RGS12: variants seen among roughly 807,000 people sequenced by gnomAD.
RGS12 encodes the protein regulator of G-protein signaling 12.
RGS12 carries 66 observed loss-of-function variants against 120.1 expected under a neutral mutation model. That is an observed-to-expected ratio of 0.55 (90% CI 0.45 to 0.67). RGS12 has a LOEUF of 0.67. Ranked by LOEUF, RGS12 falls within the 30% of genes least tolerant of loss-of-function variation. RGS12 has a pLI of 0.00. For synonymous variants in RGS12, 827 were observed against 804.7 expected, an observed-to-expected ratio of 1.03 and a Z score of -0.47; for missense variants, 1,859 against 1,957.7, an observed-to-expected ratio of 0.95 and a Z score of 0.95.
rs1011435504 is a variant in RGS12, at chr4:3,342,627, T to C, written c.1882-310T>C. On this transcript the variant is annotated intron_variant, in intron 2 of 17. Coordinates refer to ENST00000336727, the MANE Select transcript of RGS12 (RefSeq NM_001394154.1). Reference sequence around the variant, plus strand: ...CCCTTGCACGTGATTTCATTTGATCTGGGTAACAGCCTTGTGGGTGGGCTG... The same window carrying C: ...CCCTTGCACGTGATTTCATTTGATCCGGGTAACAGCCTTGTGGGTGGGCTG... 17 of 1,302,006 alleles carry C rather than the reference T, an allele frequency of 1.3e-5. No homozygotes were observed. In the East Asian group the frequency reaches 5.9e-4, roughly 45 times the overall value. 80.7% of individuals were successfully genotyped at this position (1,302,006 alleles called of 1,614,324 possible).
At chr4:3,387,525 C>T (rs1395263818) in intron 4 of RGS12, among the ~76,000 whole-genome samples, 2 of 152,220 alleles carry the variant, frequency 1.3e-5, no homozygotes, top group Non-Finnish European at 2.9e-5. Context: ...CACGCACTGG[C>T]ACCTGAAGCC....
chr4:3,428,421 C>A, intron 15 of RGS12, 137 bp from the exon 16 acceptor site: 1 of 827,040 alleles, frequency 1.2e-6, no homozygotes, highest in Non-Finnish European at 1.9e-6. Flanking sequence ...CTTATCATTG[C>A]AATGGTTTTT....
chr4:3,328,521 C>T (rs28600049), intron 2 of RGS12, among the ~76,000 whole-genome samples: 45,803 of 152,128 alleles, frequency 0.3, 7,100 homozygotes, highest in African/African-American at 0.39. Context: ...CGTAGGCCCT[C>T]ACCAGGTGCA....
intron 7 of RGS12, 77 bp downstream of exon 7, chr4:3,416,198 T>C (rs554072444): frequency 5.8e-5 from 89 of 1,528,286 alleles, no homozygotes; most frequent in Non-Finnish European, 7.5e-5. Flanking sequence ...AAAGAACACG[T>C]GCTATCAGGC....
intron 17 of RGS12, chr4:3,432,161 T>G: frequency 1.0e-6 from 1 of 985,444 alleles, no homozygotes; most frequent in Non-Finnish European, 1.2e-6. Flanking sequence ...TAATAAATTC[T>G]GGACATCATC....
upstream of RGS12, among the ~76,000 whole-genome samples, chr4:3,289,903 C>T (rs972702743): frequency 8.5e-5 from 13 of 152,142 alleles, no homozygotes; most frequent in South Asian, 2.1e-4. Context: ...TAAGTTAGAC[C>T]GGGCAATATT....
chr4:3,309,465 C>A (rs1278294166), intron 1 of RGS12, among the ~76,000 whole-genome samples: 1 of 133,744 alleles, frequency 7.5e-6, no homozygotes, highest in Non-Finnish European at 1.6e-5. Context: ...TGGCAGGTGT[C>A]CGCTGAGGGG....
chr4:3,288,914 GA>G, upstream of RGS12, among the ~76,000 whole-genome samples: 1 of 152,086 alleles, frequency 6.6e-6, no homozygotes, highest in Middle Eastern at 3.4e-3. This position sits in a 1 kb window ranked among gnomAD's most constrained non-coding sequence, Gnocchi z 5.2. Context: ...CCACCCCTAC[GA>G]GCCCCATTGG....
At chr4:3,430,234 G>T (rs1215523386) in intron 16 of RGS12, among the ~76,000 whole-genome samples, 173 bp from the exon 17 acceptor site, 1 of 152,230 alleles carries the variant, frequency 6.6e-6, no homozygotes, top group African/African-American at 2.4e-5. Context: ...CCCCAGGGCT[G>T]TCCCTTCCGC....
At chr4:3,326,113 G>T (rs187556191) in intron 2 of RGS12, among the ~76,000 whole-genome samples, 1 of 152,272 alleles carries the variant, frequency 6.6e-6, no homozygotes, top group Admixed American at 6.5e-5. Context: ...ACTGGAACAA[G>T]ACAAGAATGC....
In RGS12 at chr4:3,388,082, G is replaced by A. The variant is rs142171902; in HGVS notation, c.2020+1645G>A. Among the ~76,000 whole-genome samples, 536 of 152,180 alleles carry A rather than the reference G, an allele frequency of 3.5e-3. 2 individuals are homozygous for A. Among genetic ancestry groups the A allele is most frequent in the Middle Eastern group, 0.027 (8 of 294 alleles). On this transcript the variant is annotated intron_variant, in intron 4 of 17. Transcript: ENST00000336727. ...CTCTGAGGAAGTGTATCCTGGCCACGCAGAGATCCCCTGGTGCTAGGGCTT... is the reference window on the plus strand; with the variant it reads ...CTCTGAGGAAGTGTATCCTGGCCACACAGAGATCCCCTGGTGCTAGGGCTT...
chr4:3,358,815 G>A (rs1415269427), intron 3 of RGS12, among the ~76,000 whole-genome samples: 1 of 151,508 alleles, frequency 6.6e-6, no homozygotes, highest in African/African-American at 2.4e-5. Flanking sequence ...CTGGCTTGAT[G>A]TCAGGGTAAT....
chr4:3,331,591 G>A (rs981290154), intron 2 of RGS12, among the ~76,000 whole-genome samples: 1 of 151,816 alleles, frequency 6.6e-6, no homozygotes, highest in Non-Finnish European at 1.5e-5. Context: ...AGTACAATGA[G>A]AGGAAGTTTC....
At chr4:3,301,999 T>G (rs1723711749) in intron 1 of RGS12, among the ~76,000 whole-genome samples, 1 of 152,060 alleles carries the variant, frequency 6.6e-6, no homozygotes, top group South Asian at 2.1e-4. Context: ...TGTATTTTTT[T>G]TTTTTTCTAA....
At chr4:3,416,363 C>T (rs1239415931) in intron 7 of RGS12, among the ~76,000 whole-genome samples, 2 of 152,138 alleles carry the variant, frequency 1.3e-5, no homozygotes, top group Non-Finnish European at 2.9e-5. Flanking sequence ...TGCAATGAGC[C>T]GGCTGTTCAC....
intron 2 of RGS12, among the ~76,000 whole-genome samples, chr4:3,332,370 T>C (rs1329132027): frequency 6.6e-6 from 1 of 152,238 alleles, no homozygotes; most frequent in Non-Finnish European, 1.5e-5. Flanking sequence ...ATTTCAGTGG[T>C]TTATCCATGA....
the RGS12 span, among the ~76,000 whole-genome samples, chr4:3,286,545 T>A: frequency 6.6e-6 from 1 of 152,212 alleles, no homozygotes; most frequent in East Asian, 1.9e-4. Context: ...CCAGCCCCTG[T>A]GGGCCCTGCT....
intron 2 of RGS12, among the ~76,000 whole-genome samples, chr4:3,334,182 C>T (rs779281394): frequency 2.8e-4 from 43 of 152,186 alleles, no homozygotes; most frequent in Non-Finnish European, 4.7e-4. Context: ...CTTTTTATAT[C>T]TAGCTACCCT....
intron 3 of RGS12, among the ~76,000 whole-genome samples, chr4:3,370,660 T>A (rs1716885195): frequency 6.6e-6 from 1 of 152,226 alleles, no homozygotes; most frequent in South Asian, 2.1e-4. Flanking sequence ...AAGATGTGAG[T>A]GAATTGATTT....
Sources: allele counts gnomAD v4.1 joint callset (sites outside exome capture counted in the v4.1 genomes callset), GRCh38; gene constraint gnomAD v4.1.1; non-coding constraint Gnocchi (gnomAD v3.1); transcripts MANE v1.5; gene names NCBI Gene and HGNC (gene_info 2026-07-23, HGNC 2026-07-21).